The following BOK variants were observed in gnomAD, a reference collection of about 807,000 sequenced individuals.
BOK encodes bcl-2-related ovarian killer protein.
A neutral mutation model predicts 18.3 loss-of-function variants in BOK; 20 were observed. The ratio of observed to expected loss-of-function variants is 1.09; its 90% CI spans 0.77 to 1.59. The LOEUF is 1.59. BOK is among the 40% of genes most tolerant of loss of function. The pLI is 0.00. For synonymous variants in BOK, 173 were observed against 142.4 expected (o/e 1.21, Z -1.53); for missense variants, 348 against 307.9 (o/e 1.13, Z -0.97).
intron 3 of BOK, among the ~76,000 whole-genome samples, chr2:241,567,233 T>G (rs2066630575): frequency 7.6e-6 from 1 of 132,254 alleles, no homozygotes; most frequent in Non-Finnish European, 1.6e-5. Flanking sequence ...TTCAAGCGAT[T>G]CTCCTGCTTC....
chr2:241,561,008 T>G (rs1259945501), intron 2 of BOK, among the ~76,000 whole-genome samples: 1 of 152,170 alleles, frequency 6.6e-6, no homozygotes, highest in African/African-American at 2.4e-5. Context: ...GGGGCCAGCC[T>G]GCAGCAGCCC....
intron 2 of BOK, among the ~76,000 whole-genome samples, chr2:241,560,615 A>T (rs1241411235): frequency 6.6e-6 from 1 of 152,078 alleles, no homozygotes; most frequent in Non-Finnish European, 1.5e-5. Flanking sequence ...TGGGGTGCAG[A>T]CAGAATCCAT....
intron 3 of BOK, among the ~76,000 whole-genome samples, chr2:241,564,772 C>T (rs888423354): frequency 7.2e-5 from 11 of 151,946 alleles, no homozygotes; most frequent in East Asian, 5.8e-4. Flanking sequence ...TGGCCGACGC[C>T]GGCGCGTGGG....
intron 3 of BOK, among the ~76,000 whole-genome samples, chr2:241,564,321 G>A (rs1448735062): frequency 3.3e-5 from 5 of 152,296 alleles, no homozygotes; most frequent in South Asian, 2.1e-4. Context: ...AGCTGGGTGC[G>A]GGCGAGACTC....
chr2:241,559,550 A>G lies in BOK; in HGVS notation c.67A>G (p.Thr23Ala). 6.5e-7 allele frequency: 1 copy of G among 1,527,574 alleles called. No homozygotes were observed. Among genetic ancestry groups the G allele is most frequent in the Non-Finnish European group, 8.7e-7 (1 of 1,146,544 alleles). The allele number at this position is 1,527,574 out of a possible 1,614,324, so 94.6% of individuals were successfully genotyped here. The change falls in exon 2 of 5, where the codon ACA becomes GCA. Residue 23 changes from threonine (T) to alanine (A), a missense_variant. Physicochemically the swap from Thr to Ala is moderately conservative, Grantham distance 58. Coordinates refer to ENST00000318407, the MANE Select transcript of BOK (RefSeq NM_032515.5). Reference sequence around the variant, plus strand: ...CATGGACGCCTTTGACCGCTCGCCCACAGACAAGGAGCTGGTGGCCCAGGC... The same window carrying G: ...CATGGACGCCTTTGACCGCTCGCCCGCAGACAAGGAGCTGGTGGCCCAGGC... ...EIMDAFDRSP[T>A]DKELVAQAKA...
chr2:241,559,728 C>G (rs2066497339), intron 2 of BOK, 25 bp downstream of exon 2: 4 of 1,288,192 alleles, frequency 3.1e-6, no homozygotes, highest in Non-Finnish European at 2.9e-6. Flanking sequence ...GTGGGATCCC[C>G]AGCTGCGCCT....
upstream of BOK, among the ~76,000 whole-genome samples, chr2:241,555,094 C>T (rs141830831): frequency 2.4e-4 from 37 of 152,282 alleles, no homozygotes; most frequent in East Asian, 1.2e-3. Context: ...GACAGGAAGA[C>T]CTCAGCTAAC....
intron 3 of BOK, among the ~76,000 whole-genome samples, chr2:241,564,746 A>T (rs896924015): frequency 4.0e-5 from 6 of 151,844 alleles, no homozygotes; most frequent in African/African-American, 1.2e-4. Flanking sequence ...GCTGACGACC[A>T]CTCTCAGCCC....
At chr2:241,559,089 G>A (rs972446718) in intron 1 of BOK, 96 bp downstream of exon 1, 1 of 155,366 alleles carries the variant, frequency 6.4e-6, no homozygotes, top group Non-Finnish European at 1.4e-5. Flanking sequence ...AGCGGCGGAG[G>A]TGGGCGGCCC....
At chr2:241,560,552 G>T (rs1574995212) in intron 2 of BOK, among the ~76,000 whole-genome samples, 3 of 152,360 alleles carry the variant, frequency 2.0e-5, no homozygotes, top group South Asian at 2.1e-4. Flanking sequence ...TTACGTGGTG[G>T]GCTGGGCCCA....
upstream of BOK, among the ~76,000 whole-genome samples, chr2:241,557,783 G>A (rs1473924426): frequency 6.6e-6 from 1 of 152,116 alleles, no homozygotes; most frequent in Non-Finnish European, 1.5e-5. Context: ...TAATTTCCAA[G>A]CATTTGCAGA....
chr2:241,559,965 A>G (rs1444687335), intron 2 of BOK: 2 of 705,862 alleles, frequency 2.8e-6, no homozygotes, highest in East Asian at 2.7e-4. Flanking sequence ...TCCAGAAAGA[A>G]TAATCTATTA....
Position 241,559,507 on chromosome 2 carries a change from G to A in BOK, c.24G>A (p.Ser8=), listed in dbSNP as rs776139987. The A allele has an allele frequency of 2.7e-6, 4 of 1,490,878 alleles. No homozygotes were observed. The highest frequency in any genetic ancestry group is 2.9e-5 in the East Asian group (1 of 34,668). 92.4% of individuals were successfully genotyped at this position (1,490,878 alleles called of 1,614,324 possible). A position where few individuals can be genotyped will look rare whatever the true frequency, so the allele number is the denominator to read the frequency against. MEVLRRS[S]VFAAEIMDAF... is the part of the protein sequence containing the mutation. ...CCATGGAGGTGCTGCGGCGCTCCTC[G>A]GTCTTCGCCGCCGAGATCATGGACG... is the stretch of plus-strand genomic sequence containing the variant. The change falls in exon 2 of 5, where the codon TCG becomes TCA. Residue 8 remains serine, a synonymous_variant. Transcript: ENST00000318407.
intron 3 of BOK, among the ~76,000 whole-genome samples, chr2:241,563,648 G>C (rs371169631): frequency 2.0e-5 from 3 of 152,216 alleles, no homozygotes; most frequent in African/African-American, 7.2e-5. Flanking sequence ...CTGGGAGCTG[G>C]TGTGGGTCCG....
chr2:241,560,201 A>C, intron 2 of BOK: 1 of 985,352 alleles, frequency 1.0e-6, no homozygotes, highest in Non-Finnish European at 1.2e-6. Flanking sequence ...TGCTGTGAGG[A>C]CATCTGGGGG....
At chr2:241,560,019 C>T (rs1199753699) in intron 2 of BOK, 2 of 951,256 alleles carry the variant, frequency 2.1e-6, no homozygotes, top group Admixed American at 6.2e-5. Flanking sequence ...CTCAGCTGGG[C>T]ACAGAAACCC....
chr2:241,573,316 C>A lies in BOK; in HGVS notation c.*894C>A, dbSNP rs1003407024. ...CCCCAGGTGAAGGGGCCCGGAACAC[C>A]TCCTGTCACCTGAGCCCCAGGTGAA... On this transcript the variant is annotated 3_prime_UTR_variant, in exon 5 of 5. Coordinates refer to ENST00000318407, the MANE Select transcript of BOK (RefSeq NM_032515.5). 14 of 140,868 alleles carry A rather than the reference C, an allele frequency of 9.9e-5. No individual in the cohort carries two copies. Among genetic ancestry groups the A allele is most frequent in the African/African-American group, 3.4e-4 (13 of 38,282 alleles). The allele number at this position is 140,868 out of a possible 1,614,324, so 8.7% of individuals were successfully genotyped here.
At chr2:241,561,137 GA>G (rs5839769) in intron 2 of BOK, among the ~76,000 whole-genome samples, 80,947 of 152,004 alleles carry the variant, frequency 0.53, 22,139 homozygotes, top group African/African-American at 0.65. Context: ...ATGAGATACA[GA>G]GCAGCCTTTA....
At chr2:241,559,135 G>C (rs1469841876) in intron 1 of BOK, 142 bp downstream of exon 1, 1 of 177,604 alleles carries the variant, frequency 5.6e-6, no homozygotes, top group African/African-American at 2.4e-5. Context: ...CCTGGCAGTC[G>C]CCGTGGGGGA....
Sources: allele counts gnomAD v4.1 joint callset (sites outside exome capture counted in the v4.1 genomes callset), GRCh38; gene constraint gnomAD v4.1.1; transcripts MANE v1.5; gene names NCBI Gene and HGNC (gene_info 2026-07-23, HGNC 2026-07-21).